Variants in ARHGEF18 observed in about 807,000 individuals in gnomAD.
The protein encoded by ARHGEF18 is Rho/Rac guanine nucleotide exchange factor 18.
In ARHGEF18, 93 loss-of-function variants were observed where a neutral mutation model predicts 155.7. That is an observed-to-expected ratio of 0.60 (90% CI 0.50 to 0.71). The LOEUF is 0.71. ARHGEF18 is among the 30% of genes least tolerant of loss of function. ARHGEF18 has a pLI of 0.00. For synonymous variants in ARHGEF18, 742 were observed against 753.1 expected, an observed-to-expected ratio of 0.99 and a Z score of 0.24; for missense variants, 1,593 against 1,816.1, an observed-to-expected ratio of 0.88 and a Z score of 2.23.
chr19:7,377,076 C>CTT (rs113555255), intron 5 of ARHGEF18, among the ~76,000 whole-genome samples: 29,281 of 146,930 alleles, frequency 0.2, 3,443 homozygotes, highest in Non-Finnish European at 0.27. Context: ...CTCTATGACT[C>CTT]TTTTTTTTTT....
At position 7,378,520 on chromosome 19, in the gene ARHGEF18, G is replaced by A. The variant is rs889315351; in HGVS notation, c.599+69G>A. The A allele has an allele frequency of 1.5e-4, 178 of 1,196,452 alleles. No homozygotes were observed. In the East Asian group the frequency reaches 5.6e-3, roughly 38 times the overall value. The allele number at this position is 1,196,452 out of a possible 1,614,324, so 74.1% of individuals were successfully genotyped here. A position where few individuals can be genotyped will look rare whatever the true frequency, so the allele number is the denominator to read the frequency against. On this transcript the variant is annotated intron_variant, in intron 6 of 28. Coordinates refer to ENST00000668164, the MANE Select transcript of ARHGEF18 (RefSeq NM_001367823.1). Reference sequence around the variant, plus strand: ...GGCCACAAAGTCAGGGCTGCGGGAGGAGGGCTGCCAGGGTGCAGTGTTGCT... The same window carrying A: ...GGCCACAAAGTCAGGGCTGCGGGAGAAGGGCTGCCAGGGTGCAGTGTTGCT...
chr19:7,375,307 G>A (rs199999872), intron 3 of ARHGEF18, among the ~76,000 whole-genome samples: 7 of 95,966 alleles, frequency 7.3e-5, no homozygotes, highest in African/African-American at 1.7e-4. Flanking sequence ...AGAAAGAAAA[G>A]AAAGAAAAAG....
chr19:7,405,085 G>A (rs1323309020), intron 10 of ARHGEF18, among the ~76,000 whole-genome samples: 3 of 151,926 alleles, frequency 2.0e-5, no homozygotes, highest in Non-Finnish European at 4.4e-5. Flanking sequence ...AGCCTCCCCA[G>A]TAACTGGGAT....
At chr19:7,413,294 C>CTTT (rs71179106) in intron 10 of ARHGEF18, among the ~76,000 whole-genome samples, 11 of 138,290 alleles carry the variant, frequency 8.0e-5, no homozygotes, top group Non-Finnish European at 1.1e-4. Flanking sequence ...AAACAAAAAG[C>CTTT]TTTTTTTTTT....
At chr19:7,426,648 C>T (rs1343993258) in intron 10 of ARHGEF18, among the ~76,000 whole-genome samples, 3 of 152,094 alleles carry the variant, frequency 2.0e-5, no homozygotes, top group African/African-American at 7.2e-5. Context: ...TGCAAAATCA[C>T]GTAGTATTTT....
chr19:7,389,904 G>C (rs570371445), intron 10 of ARHGEF18, among the ~76,000 whole-genome samples: 2 of 152,122 alleles, frequency 1.3e-5, no homozygotes, highest in African/African-American at 2.4e-5. Flanking sequence ...GAGTTTGTGT[G>C]AAAGAAATGA....
In ARHGEF18 at chr19:7,440,670, GT is replaced by G. The variant is rs1350906604; in HGVS notation, c.1106+189del. On this transcript the variant is annotated intron_variant, in intron 11 of 28. Transcript: ENST00000668164. The surrounding 1 kb of genome is among the most constrained non-coding windows in gnomAD (Gnocchi z 5.4). Reference sequence around the variant, plus strand: ...CACGCCTTTTTTGCAAAAACGATGTGTCCCGGGGTGTATTCGGCCCCTGGTG... The same window carrying G: ...CACGCCTTTTTTGCAAAAACGATGTGCCCGGGGTGTATTCGGCCCCTGGTG... 6.6e-6 allele frequency among the ~76,000 whole-genome samples: 1 copy of G among 152,152 alleles called. No individual in the cohort carries two copies. The highest frequency in any genetic ancestry group is 1.5e-5 in the Non-Finnish European group (1 of 68,028).
chr19:7,409,025 A>G (rs1390940941), intron 10 of ARHGEF18, among the ~76,000 whole-genome samples: 1 of 149,576 alleles, frequency 6.7e-6, no homozygotes, highest in African/African-American at 2.5e-5. Flanking sequence ...GCACCACTGC[A>G]TTCCAGCCTG....
chr19:7,367,157 A>G (rs1969922784), intron 2 of ARHGEF18, among the ~76,000 whole-genome samples: 1 of 152,194 alleles, frequency 6.6e-6, no homozygotes, highest in African/African-American at 2.4e-5. Context: ...ACACAATCCT[A>G]CAAGTAGGTG....
chr19:7,409,951 A>ATTTT (rs5826969), intron 10 of ARHGEF18, among the ~76,000 whole-genome samples: 8 of 123,816 alleles, frequency 6.5e-5, no homozygotes, highest in African/African-American at 2.4e-4. Context: ...TTTTTTTTGT[A>ATTTT]TTTTTTTTTT....
intron 1 of ARHGEF18, among the ~76,000 whole-genome samples, chr19:7,358,300 T>C (rs1333050673): frequency 6.9e-6 from 1 of 144,928 alleles, no homozygotes; most frequent in Non-Finnish European, 1.5e-5. Flanking sequence ...CATCCACTCT[T>C]CCATCCATCC....
intron 1 of ARHGEF18, among the ~76,000 whole-genome samples, chr19:7,362,221 A>G (rs1404078472): frequency 6.9e-6 from 1 of 145,630 alleles, no homozygotes; most frequent in African/African-American, 2.8e-5. Flanking sequence ...AAGAAGAGGA[A>G]GAAGAGGAAG....
At chr19:7,427,645 TAA>T (rs550345618) in intron 10 of ARHGEF18, among the ~76,000 whole-genome samples, 73 of 105,556 alleles carry the variant, frequency 6.9e-4, no homozygotes, top group Admixed American at 1.0e-3. Flanking sequence ...ACCCTGTCTC[TAA>T]AAAAAAAAAA....
At chr19:7,375,444 A>C (rs1476878647) in intron 3 of ARHGEF18, among the ~76,000 whole-genome samples, 1 of 145,086 alleles carries the variant, frequency 6.9e-6, no homozygotes, top group Non-Finnish European at 1.5e-5. Flanking sequence ...AGAAAAGAAA[A>C]GAAAGAAAAG....
downstream of ARHGEF18, among the ~76,000 whole-genome samples, chr19:7,474,038 T>A (rs28829868): frequency 7.4e-4 from 107 of 144,452 alleles, no homozygotes; most frequent in Non-Finnish European, 1.2e-3. Context: ...AAATGAAATT[T>A]AAAAAAAAAA....
chr19:7,380,478 C>CAA (rs60460858), intron 7 of ARHGEF18, among the ~76,000 whole-genome samples: 3,556 of 112,652 alleles, frequency 0.032, 147 homozygotes, highest in African/African-American at 0.11. Flanking sequence ...GACTCCATCT[C>CAA]AAAAAAAAAA....
chr19:7,440,393 G>T lies in ARHGEF18; in HGVS notation c.1017G>T (p.Pro339=). 1 of 1,609,422 alleles carries T rather than the reference G, an allele frequency of 6.2e-7. No individual in the cohort carries two copies. The highest frequency in any genetic ancestry group is 8.5e-7 in the Non-Finnish European group (1 of 1,179,986). The change falls in exon 11 of 29, where the codon CCG becomes CCT. Residue 339 remains proline (P), a synonymous_variant. Transcript: ENST00000668164. This position sits in a 1 kb window ranked among gnomAD's most constrained non-coding sequence, Gnocchi z 5.4. The part of the protein sequence containing the change: ...PRGTLLSDGS[P]ALSRNVGMTV... ...GCACCCTCCTGTCCGATGGCAGCCC[G>T]GCCCTGTCCAGGAATGTCGGTATGA...
chr19:7,404,620 C>T (rs776236350), intron 10 of ARHGEF18, among the ~76,000 whole-genome samples: 56 of 151,882 alleles, frequency 3.7e-4, no homozygotes, highest in African/African-American at 5.6e-4. Context: ...CCACCACACC[C>T]GGCTAATTTT....
chr19:7,467,627 C>T lies in ARHGEF18; in HGVS notation c.3423C>T (p.Arg1141=). Residue 1141 remains arginine, a synonymous_variant, in exon 26 of 29, where the codon CGC becomes CGT. Transcript: ENST00000668164. ...ERERERLELL[R]RLKKQNTAPG... ...AGCGGGAGCGCCTGGAGCTGCTGCG[C>T]CGCCTCAAGAAGCAGAACACCGCGC... is the stretch of plus-strand genomic sequence containing the variant. The T allele has an allele frequency of 2.6e-6, 4 of 1,514,994 alleles. No homozygotes were observed. The highest frequency in any genetic ancestry group is 2.4e-5 in the South Asian group (2 of 82,148). The allele number at this position is 1,514,994 out of a possible 1,614,324, so 93.8% of individuals were successfully genotyped here. A position where few individuals can be genotyped will look rare whatever the true frequency, so the allele number is the denominator to read the frequency against.
Sources: allele counts gnomAD v4.1 joint callset (sites outside exome capture counted in the v4.1 genomes callset), GRCh38; gene constraint gnomAD v4.1.1; non-coding constraint Gnocchi (gnomAD v3.1); transcripts MANE v1.5; gene names NCBI Gene and HGNC (gene_info 2026-07-23, HGNC 2026-07-21).